PDS5B: variants seen among roughly 807,000 people sequenced by gnomAD.
PDS5B encodes the protein sister chromatid cohesion protein PDS5 homolog B.
Under a neutral mutation model 184.1 loss-of-function variants are expected in PDS5B, and 51 were observed. The ratio of observed to expected loss-of-function variants is 0.28; its 90% CI spans 0.22 to 0.35. The LOEUF is 0.35. Among genes scored for constraint, PDS5B ranks in the 10% least tolerant of loss-of-function variants. PDS5B has a pLI of 1.00. For missense variants in PDS5B, 1,180 were observed against 1,723.3 expected, an observed-to-expected ratio of 0.68 and a Z score of 5.58; for synonymous variants, 566 against 569.2, an observed-to-expected ratio of 0.99 and a Z score of 0.08.
chr13:32,746,370 T>C (rs1451684993), intron 24 of PDS5B, among the ~76,000 whole-genome samples: 1 of 152,220 alleles, frequency 6.6e-6, no homozygotes, highest in Non-Finnish European at 1.5e-5. Context: ...CAGTTGCTCT[T>C]AGGAGAACTC....
At chr13:32,757,372 G>A (rs939629945) in intron 26 of PDS5B, among the ~76,000 whole-genome samples, 1 of 152,100 alleles carries the variant, frequency 6.6e-6, no homozygotes, top group African/African-American at 2.4e-5. Flanking sequence ...AGTTCCTAAA[G>A]GTTATTTCTT....
chr13:32,602,649 C>G (rs1383237892), intron 1 of PDS5B, among the ~76,000 whole-genome samples: 1 of 152,166 alleles, frequency 6.6e-6, no homozygotes, highest in Non-Finnish European at 1.5e-5. Context: ...ATTTCTAGTT[C>G]TAGATCCTTG....
chr13:32,735,159 C>G lies in PDS5B; in HGVS notation c.2248-13C>G. On this transcript the variant is annotated splice_polypyrimidine_tract_variant and intron_variant, in intron 20 of 34. Transcript: ENST00000315596. ...TGTAGAGTTGAAATATATTTTCCTC[C>G]CCTCATTTTCAGCCTCTGCATAAGA... The G allele has an allele frequency of 6.6e-7, 1 of 1,507,482 alleles. No homozygotes were observed. The highest frequency in any genetic ancestry group is 8.9e-7 in the Non-Finnish European group (1 of 1,123,510). 93.4% of individuals were successfully genotyped at this position (1,507,482 alleles called of 1,614,324 possible).
chr13:32,758,971 A>C (rs564620527), intron 28 of PDS5B, among the ~76,000 whole-genome samples: 9 of 152,254 alleles, frequency 5.9e-5, no homozygotes, highest in Middle Eastern at 3.4e-3. Flanking sequence ...TGAAGTTAAA[A>C]GCCCTTTATT....
intron 19 of PDS5B, among the ~76,000 whole-genome samples, chr13:32,725,559 G>A (rs1952869463): frequency 6.6e-6 from 1 of 152,080 alleles, no homozygotes; most frequent in South Asian, 2.1e-4. Context: ...AGTCCTGTGG[G>A]TACTAATTGC....
intron 6 of PDS5B, among the ~76,000 whole-genome samples, chr13:32,664,467 A>G (rs1396624007): frequency 6.6e-6 from 1 of 152,238 alleles, no homozygotes; most frequent in Non-Finnish European, 1.5e-5. Flanking sequence ...GAAAAGCATA[A>G]TAGAAGACTT....
intron 3 of PDS5B, among the ~76,000 whole-genome samples, chr13:32,655,316 TA>T (rs2140680845): frequency 6.9e-6 from 1 of 144,050 alleles, no homozygotes; most frequent in African/African-American, 2.6e-5. Context: ...ATGTTGGCCA[TA>T]CGTACATCTT....
chr13:32,774,510 T>G (rs929634215), intron 34 of PDS5B, among the ~76,000 whole-genome samples: 5 of 152,224 alleles, frequency 3.3e-5, no homozygotes, highest in African/African-American at 1.2e-4. Context: ...AATATTGACA[T>G]TTTTTGAACT....
At chr13:32,715,665 G>C (rs1001590264) in intron 19 of PDS5B, among the ~76,000 whole-genome samples, 2 of 151,192 alleles carry the variant, frequency 1.3e-5, no homozygotes, top group African/African-American at 4.8e-5. Flanking sequence ...CTCTCCCCAC[G>C]GTCTCCCTCT....
intron 2 of PDS5B, 66 bp from the exon 3 acceptor site, chr13:32,651,738 C>A: frequency 1.0e-6 from 1 of 957,058 alleles, no homozygotes. Context: ...TTAACATGAC[C>A]TTTATTTCAC....
Position 32,651,893 on chromosome 13 carries a change from T to C in PDS5B, c.198T>C (p.Asp66=). The C allele has an allele frequency of 1.2e-6, 2 of 1,612,830 alleles. No individual in the cohort carries two copies. The highest frequency in any genetic ancestry group is 2.2e-5 in the South Asian group (2 of 91,044). ...YLNLALHLAS[D]FFLKHPDKDV... is the part of the protein sequence containing the mutation. ...ACCTAGCTTTACATCTTGCTTCAGATTTTTTTCTCAAGCATCCTGATAAAG... is the reference window on the plus strand; with the variant it reads ...ACCTAGCTTTACATCTTGCTTCAGACTTTTTTCTCAAGCATCCTGATAAAG... The change falls in exon 3 of 35, where the codon GAT becomes GAC. Residue 66 remains aspartate (D), a synonymous_variant. Transcript: ENST00000315596.
chr13:32,622,604 C>CTT (rs1474564322), intron 1 of PDS5B, among the ~76,000 whole-genome samples: 2 of 152,204 alleles, frequency 1.3e-5, no homozygotes, highest in African/African-American at 2.4e-5. Context: ...AGTATATAAT[C>CTT]TATCAGTAGT....
chr13:32,649,002 C>T (rs1950297481), intron 2 of PDS5B, 122 bp downstream of exon 2: 1 of 667,016 alleles, frequency 1.5e-6, no homozygotes, highest in Non-Finnish European at 2.7e-6. Context: ...CAGCAAATGG[C>T]ATAGAAAAGA....
chr13:32,758,542 C>T lies in PDS5B; in HGVS notation c.3198C>T (p.Tyr1066=), dbSNP rs922381561. 1.9e-6 allele frequency: 3 copies of T among 1,611,274 alleles called. No individual in the cohort carries two copies. The highest frequency in any genetic ancestry group is 1.3e-5 in the African/African-American group (1 of 74,854). ...AAAATATACTATTGCAGAAACTGTACACTGTGTGTGATGTTGCCATGAATA... is the reference window on the plus strand; with the variant it reads ...AAAATATACTATTGCAGAAACTGTATACTGTGTGTGATGTTGCCATGAATA... The part of the protein sequence containing the change: ...PDDAKMNEKL[Y]TVCDVAMNII... The change falls in exon 28 of 35, where the codon TAC becomes TAT. Residue 1066 remains tyrosine, a synonymous_variant. Transcript: ENST00000315596.
At chr13:32,698,780 G>C (rs1160559636) in intron 15 of PDS5B, among the ~76,000 whole-genome samples, 2 of 149,052 alleles carry the variant, frequency 1.3e-5, no homozygotes, top group African/African-American at 5.0e-5. Context: ...TTTTGAGACA[G>C]TCTCACTCTG....
At chr13:32,728,051 C>G (rs1416464619) in intron 19 of PDS5B, among the ~76,000 whole-genome samples, 1 of 151,736 alleles carries the variant, frequency 6.6e-6, no homozygotes, top group Non-Finnish European at 1.5e-5. Context: ...ATACTTTTCT[C>G]TTGCAGTGTA....
At position 32,770,690 on chromosome 13, in the gene PDS5B, A is replaced by C. The variant is rs377653379; in HGVS notation, c.4101A>C (p.Thr1367=). The C allele has an allele frequency of 2.7e-4, 435 of 1,611,674 alleles. No individual in the cohort carries two copies. Among genetic ancestry groups the C allele is most frequent in the South Asian group, 4.2e-4 (38 of 90,646 alleles). The change falls in exon 33 of 35, where the codon ACA becomes ACC. Residue 1367 remains threonine (T), a synonymous_variant. Transcript: ENST00000315596. ...ESPESSAIES[T]QSTPQKGRGR... Reference sequence around the variant, plus strand: ...CTGAATCTAGTGCAATTGAATCCACACAGTCCACACCACAGAAAGGACGAG... The same window carrying C: ...CTGAATCTAGTGCAATTGAATCCACCCAGTCCACACCACAGAAAGGACGAG...
intron 1 of PDS5B, among the ~76,000 whole-genome samples, chr13:32,589,261 A>G (rs1355261750): frequency 6.6e-6 from 1 of 152,194 alleles, no homozygotes; most frequent in African/African-American, 2.4e-5. Flanking sequence ...CTGGAAGCTT[A>G]GAAGTTTCCC....
chr13:32,754,341 G>C (rs892002756), intron 25 of PDS5B, among the ~76,000 whole-genome samples: 1 of 152,086 alleles, frequency 6.6e-6, no homozygotes, highest in Admixed American at 6.5e-5. Flanking sequence ...GCCCTTTATA[G>C]TTTGCTCTCA....
Sources: gnomAD v4.1 joint callset for allele counts (sites outside exome capture counted in the v4.1 genomes callset) on GRCh38, gnomAD v4.1.1 for gene constraint, MANE v1.5 for transcripts, NCBI Gene and HGNC (gene_info 2026-07-23, HGNC 2026-07-21) for gene names.